The following RARB variants were observed in gnomAD, a reference collection of about 807,000 sequenced individuals.
RARB encodes retinoic acid receptor beta, also known as HBV-activated protein.
RARB carries 17 observed loss-of-function variants against 51.9 expected under a neutral mutation model. That is an observed-to-expected ratio of 0.33 (90% CI 0.22 to 0.49). RARB has a LOEUF of 0.49. Among genes scored for constraint, RARB ranks in the 20% least tolerant of loss-of-function variants. The pLI is 0.99. For missense variants in RARB, 369 were observed against 550.8 expected (o/e 0.67, Z 3.30); for synonymous variants, 215 against 195.4 (o/e 1.10, Z -0.84).
chr3:24,959,515 G>T (rs577398263), intron 2 of RARB, among the ~76,000 whole-genome samples: 1 of 152,278 alleles, frequency 6.6e-6, no homozygotes, highest in South Asian at 2.1e-4. Flanking sequence ...GCATGGAGTG[G>T]GGCGGGGTAG....
intron 1 of RARB, among the ~76,000 whole-genome samples, chr3:25,447,979 T>G (rs1655859404): frequency 6.6e-6 from 1 of 152,110 alleles, no homozygotes; most frequent in Non-Finnish European, 1.5e-5. Context: ...GTAACACTAT[T>G]ATGTGGCAGG....
chr3:25,203,212 T>C (rs1325563494), intron 5 of RARB, among the ~76,000 whole-genome samples: 1 of 152,204 alleles, frequency 6.6e-6, no homozygotes, highest in African/African-American at 2.4e-5. Flanking sequence ...TTTTGATCTT[T>C]GTTGGTTTAA....
At chr3:25,417,119 C>T (rs1707725022) in intron 5 of RARB, among the ~76,000 whole-genome samples, 1 of 151,540 alleles carries the variant, frequency 6.6e-6, no homozygotes, top group African/African-American at 2.4e-5. Context: ...TTAGAAGCCG[C>T]TGGTAATGTT....
At chr3:24,975,456 C>G (rs1696490109) in intron 2 of RARB, among the ~76,000 whole-genome samples, 1 of 152,068 alleles carries the variant, frequency 6.6e-6, no homozygotes, top group Admixed American at 6.6e-5. Flanking sequence ...AATGAATTAT[C>G]ATTGTTGTTT....
intron 2 of RARB, among the ~76,000 whole-genome samples, chr3:24,878,711 C>T (rs1240268841): frequency 6.6e-6 from 1 of 151,670 alleles, no homozygotes; most frequent in Non-Finnish European, 1.5e-5. Context: ...GTCTTGGAGT[C>T]GGGGGTGAAG....
intron 2 of RARB, among the ~76,000 whole-genome samples, chr3:25,009,365 T>C (rs192924175): frequency 2.6e-5 from 4 of 152,262 alleles, no homozygotes; most frequent in Admixed American, 2.6e-4. Flanking sequence ...ATTGAAAATA[T>C]TCCAATAAAC....
rs140970899 is a variant in RARB, at chr3:25,035,421, CT to C, written c.-379-24678del. The stretch of plus-strand genomic sequence containing the variant: ...ACAGTTGTGAGCCGCTGCGTCCAGC[CT>C]TTTTTTTTTTTTTTTTTTTTTTTTT... On this transcript the variant is annotated intron_variant, in intron 2 of 11. Coordinates refer to the RARB transcript ENST00000383772. Among the ~76,000 whole-genome samples the C allele has an allele frequency of 2.3e-3, 283 of 121,614 alleles. 1 individual carries two copies. Among genetic ancestry groups the C allele is most frequent in the African/African-American group, 8.3e-3 (237 of 28,454 alleles). 79.8% of individuals were successfully genotyped at this position (121,614 alleles called of 152,430 possible).
intron 2 of RARB, among the ~76,000 whole-genome samples, chr3:24,929,140 A>C (rs1695388797): frequency 6.6e-6 from 1 of 152,072 alleles, no homozygotes; most frequent in Non-Finnish European, 1.5e-5. Flanking sequence ...ATTATTTGAA[A>C]ATAATATATT....
At chr3:25,463,373 G>A (rs1282754159) in intron 2 of RARB, among the ~76,000 whole-genome samples, 1 of 152,010 alleles carries the variant, frequency 6.6e-6, no homozygotes, top group African/African-American at 2.4e-5. Flanking sequence ...CTTAAAGATT[G>A]AACAAATTTG....
At chr3:25,358,199 C>T (rs148171396) in intron 5 of RARB, among the ~76,000 whole-genome samples, 1 of 152,092 alleles carries the variant, frequency 6.6e-6, no homozygotes, top group Admixed American at 6.6e-5. Flanking sequence ...CCTTCACATC[C>T]CATGTAAGTT....
chr3:25,362,526 A>G (rs1251831506), intron 5 of RARB, among the ~76,000 whole-genome samples: 1 of 152,128 alleles, frequency 6.6e-6, no homozygotes, highest in Non-Finnish European at 1.5e-5. Flanking sequence ...GGGTATGGAA[A>G]ATACTTCTGC....
intron 2 of RARB, among the ~76,000 whole-genome samples, chr3:25,469,435 G>A (rs990135875): frequency 6.6e-6 from 1 of 152,084 alleles, no homozygotes; most frequent in Non-Finnish European, 1.5e-5. Context: ...CTGCAGTATT[G>A]ATCCCAAAGA....
chr3:25,490,623 G>A (rs146577017), intron 2 of RARB, among the ~76,000 whole-genome samples: 2 of 152,276 alleles, frequency 1.3e-5, no homozygotes, highest in East Asian at 3.9e-4. Flanking sequence ...GGGTCCAGAT[G>A]AGATTTAGTA....
intron 1 of RARB, among the ~76,000 whole-genome samples, chr3:24,836,422 CA>C (rs1372118031): frequency 6.6e-6 from 1 of 152,106 alleles, no homozygotes; most frequent in African/African-American, 2.4e-5. Flanking sequence ...CACTGGCAGT[CA>C]AAAAACATGA....
intron 5 of RARB, among the ~76,000 whole-genome samples, chr3:25,251,637 C>T (rs1318514906): frequency 6.6e-6 from 1 of 152,032 alleles, no homozygotes; most frequent in Non-Finnish European, 1.5e-5. Flanking sequence ...TTTCATGTGC[C>T]TATTGGCTAT....
At chr3:25,480,437 T>C (rs1696168825) in intron 2 of RARB, among the ~76,000 whole-genome samples, 1 of 152,228 alleles carries the variant, frequency 6.6e-6, no homozygotes, top group Non-Finnish European at 1.5e-5. Context: ...TCTCTTTCCC[T>C]TTCCCTTTAG....
At chr3:25,089,366 A>G (rs973812237) in intron 3 of RARB, among the ~76,000 whole-genome samples, 77 of 152,064 alleles carry the variant, frequency 5.1e-4, no homozygotes, top group African/African-American at 1.8e-3. Context: ...AGAAAATTTT[A>G]TATTTATTAT....
intron 4 of RARB, among the ~76,000 whole-genome samples, chr3:25,574,015 C>T (rs371410628): frequency 6.6e-6 from 1 of 152,122 alleles, no homozygotes; most frequent in African/African-American, 2.4e-5. Context: ...AGGTTTCTAC[C>T]CAATGACCCT....
chr3:25,186,927 G>GTGTGTGTGTGTA (rs1700992458), intron 5 of RARB, among the ~76,000 whole-genome samples: 1 of 149,902 alleles, frequency 6.7e-6, no homozygotes, highest in East Asian at 2.0e-4. Flanking sequence ...GTGTGTGTGT[G>GTGTGTGTGTGTA]TGTGTGTGTG....
Sources: gnomAD v4.1 joint callset for allele counts (sites outside exome capture counted in the v4.1 genomes callset) on GRCh38, gnomAD v4.1.1 for gene constraint, MANE v1.5 for transcripts, NCBI Gene and HGNC (gene_info 2026-07-23, HGNC 2026-07-21) for gene names.